KYNU: variants seen among roughly 807,000 people sequenced by gnomAD.
KYNU encodes the protein kynureninase, also known as L-kynurenine hydrolase.
KYNU carries 54 observed loss-of-function variants against 59.2 expected under a neutral mutation model. That is an observed-to-expected ratio of 0.91 (90% CI 0.73 to 1.14). The LOEUF (loss-of-function observed/expected upper bound fraction) is 1.14. Among genes scored for constraint, KYNU ranks in the 50% most tolerant of loss-of-function variants. The pLI is 0.00. For synonymous variants in KYNU, 177 were observed against 192.0 expected, an observed-to-expected ratio of 0.92 and a Z score of 0.65; for missense variants, 567 against 554.4, an observed-to-expected ratio of 1.02 and a Z score of -0.23.
chr2:142,957,553 GC>G, intron 6 of KYNU, 87 bp from the exon 7 acceptor site: 1 of 791,710 alleles, frequency 1.3e-6, no homozygotes, highest in Non-Finnish European at 2.2e-6. Context: ...ATAATAATAT[GC>G]CCTTATTTTT....
intron 12 of KYNU, among the ~76,000 whole-genome samples, chr2:143,037,994 A>G (rs866985024): frequency 6.6e-6 from 1 of 152,162 alleles, no homozygotes; most frequent in Non-Finnish European, 1.5e-5. Context: ...ATTCCACAGT[A>G]TATTAAGATG....
At chr2:142,937,413 A>C (rs1683427991) in intron 4 of KYNU, among the ~76,000 whole-genome samples, 1 of 152,216 alleles carries the variant, frequency 6.6e-6, no homozygotes, top group African/African-American at 2.4e-5. Flanking sequence ...AGAGTCTGAC[A>C]TGAGGGCATT....
At chr2:142,977,785 T>C (rs1466588730) in intron 8 of KYNU, among the ~76,000 whole-genome samples, 1 of 152,146 alleles carries the variant, frequency 6.6e-6, no homozygotes, top group East Asian at 1.9e-4. Context: ...AAATAATGCT[T>C]AGTTCCTACT....
intron 3 of KYNU, among the ~76,000 whole-genome samples, chr2:142,921,361 G>C (rs1682876728): frequency 6.6e-6 from 1 of 152,184 alleles, no homozygotes; most frequent in Non-Finnish European, 1.5e-5. Context: ...TTTTTAGGAG[G>C]CTTTGCTTAA....
chr2:142,904,071 T>C (rs1682201375), intron 2 of KYNU, among the ~76,000 whole-genome samples: 1 of 152,182 alleles, frequency 6.6e-6, no homozygotes, highest in Admixed American at 6.5e-5. Flanking sequence ...GGGCCTAAGG[T>C]GGACTTTTAA....
intron 10 of KYNU, among the ~76,000 whole-genome samples, chr2:142,992,217 A>T (rs951312410): frequency 6.6e-6 from 1 of 151,892 alleles, no homozygotes; most frequent in Non-Finnish European, 1.5e-5. Flanking sequence ...GAAGTAGAGG[A>T]CATTTGACAA....
chr2:142,971,362 A>C (rs1163536805), intron 8 of KYNU: 2 of 152,074 alleles, frequency 1.3e-5, no homozygotes, highest in South Asian at 4.1e-4. Flanking sequence ...CTTACAATGA[A>C]GTGTAAAATA....
intron 2 of KYNU, among the ~76,000 whole-genome samples, chr2:142,912,150 T>C (rs903922988): frequency 2.0e-5 from 3 of 152,062 alleles, no homozygotes; most frequent in East Asian, 3.9e-4. Flanking sequence ...GTAAGTCTGA[T>C]AGAATTTGGC....
intron 2 of KYNU, among the ~76,000 whole-genome samples, chr2:142,908,543 A>AT (rs1211632239): frequency 2.0e-5 from 3 of 152,192 alleles, no homozygotes; most frequent in Non-Finnish European, 4.4e-5. Context: ...CACCAAAAAA[A>AT]TTTAGAGTTT....
At chr2:142,917,356 C>T (rs1682699144) in intron 2 of KYNU, among the ~76,000 whole-genome samples, 4 of 151,968 alleles carry the variant, frequency 2.6e-5, no homozygotes, top group Admixed American at 2.6e-4. Flanking sequence ...GTAGAGAAAG[C>T]ACAGGAGCCA....
rs912706737 is a variant in KYNU at position 143,053,385 on chromosome 2, A to C, written c.*11213A>C. 2.6e-5 allele frequency: 4 copies of C among 152,182 alleles called. No homozygotes were observed. The highest frequency in any genetic ancestry group is 4.4e-5 in the Non-Finnish European group (3 of 68,052). 9.4% of individuals were successfully genotyped at this position (152,182 alleles called of 1,614,324 possible). ...CTTTGGACTGCGGACTTTTGAGTTA[A>C]TGCTGAAATGAGTTAAGACTTTGGG... On this transcript the variant is annotated 3_prime_UTR_variant, in exon 14 of 14. Transcript: ENST00000264170.
At chr2:142,980,192 A>G (rs1558956945) in intron 8 of KYNU, among the ~76,000 whole-genome samples, 1 of 152,062 alleles carries the variant, frequency 6.6e-6, no homozygotes, top group Admixed American at 6.6e-5. Flanking sequence ...ATGCTAATGT[A>G]TTAGCTTATA....
intron 3 of KYNU, among the ~76,000 whole-genome samples, chr2:142,920,200 ATAATT>A (rs1361078784): frequency 2.0e-5 from 3 of 152,246 alleles, no homozygotes; most frequent in African/African-American, 4.8e-5. Context: ...GATAGTTTAT[ATAATT>A]TATTAATCAT....
Position 143,042,122 on chromosome 2 carries a change from T to C in KYNU, c.1348T>C (p.Phe450Leu). The C allele has an allele frequency of 6.2e-7, 1 of 1,611,022 alleles. No individual in the cohort carries two copies. The highest frequency in any genetic ancestry group is 1.7e-5 in the Admixed American group (1 of 59,786). Residue 450 changes from phenylalanine (F) to leucine (L), a missense_variant, in exon 14 of 14, where the codon TTT becomes CTT. Phe to Leu is a conservative substitution (Grantham distance 22). Transcript: ENST00000264170. ...LYNSFHDVYK[F>L]TNLLTSILDS... The stretch of plus-strand genomic sequence containing the variant: ...TAATTCTTTCCATGATGTTTATAAA[T>C]TTACCAATCTGCTCACTTCTATACT...
intron 2 of KYNU, among the ~76,000 whole-genome samples, chr2:142,891,960 T>C (rs1308082007): frequency 6.6e-6 from 1 of 152,050 alleles, no homozygotes; most frequent in African/African-American, 2.4e-5. Flanking sequence ...TCACCCAGGC[T>C]GGAGTGTAGT....
chr2:143,002,267 C>A (rs770105809), intron 10 of KYNU, among the ~76,000 whole-genome samples: 2 of 152,166 alleles, frequency 1.3e-5, no homozygotes, highest in Non-Finnish European at 2.9e-5. Context: ...TGTACTTATA[C>A]TTTTTCAGAT....
rs149139909 is a variant in KYNU, at chr2:143,001,734, C to A, written c.902+15713C>A. On this transcript the variant is annotated intron_variant, in intron 10 of 13. Transcript: ENST00000264170. ...CAGGACATTGGCTTAACTAGCTGTG[C>A]CCCTTTGGATGAGTCACTCAACCAC... Among the ~76,000 whole-genome samples, 903 of 152,250 alleles carry A rather than the reference C, an allele frequency of 5.9e-3. 4 individuals are homozygous for A. Among genetic ancestry groups the A allele is most frequent in the Non-Finnish European group, 9.7e-3 (663 of 68,022 alleles).
chr2:142,941,874 G>A (rs1323913484), intron 4 of KYNU, among the ~76,000 whole-genome samples: 1 of 151,894 alleles, frequency 6.6e-6, no homozygotes, highest in East Asian at 1.9e-4. Flanking sequence ...AAGTCAAATT[G>A]AAAAAATGAA....
chr2:142,967,929 G>T (rs1270419998), intron 8 of KYNU, among the ~76,000 whole-genome samples: 3 of 152,086 alleles, frequency 2.0e-5, no homozygotes, highest in Admixed American at 6.6e-5. Flanking sequence ...ACACTTTTGT[G>T]TACAAATATA....
Sources: gnomAD v4.1 joint callset for allele counts (sites outside exome capture counted in the v4.1 genomes callset) on GRCh38, gnomAD v4.1.1 for gene constraint, MANE v1.5 for transcripts, NCBI Gene and HGNC (gene_info 2026-07-23, HGNC 2026-07-21) for gene names.